The following BTRC variants were observed in gnomAD, a reference collection of about 807,000 sequenced individuals.
The protein encoded by BTRC is beta-transducin repeat containing E3 ubiquitin protein ligase, also known as F-box/WD repeat-containing protein 1A.
BTRC carries 42 observed loss-of-function variants against 85.5 expected under a neutral mutation model. The observed-to-expected ratio is 0.49, with a 90% CI of 0.38 to 0.64. The LOEUF (loss-of-function observed/expected upper bound fraction) is 0.64, where lower values mean the gene tolerates loss of function less well. Ranked by LOEUF, BTRC falls within the 30% of genes least tolerant of loss-of-function variation. The pLI is 0.00. For synonymous variants in BTRC, 255 were observed against 263.3 expected, an observed-to-expected ratio of 0.97 and a Z score of 0.30; for missense variants, 594 against 743.5, an observed-to-expected ratio of 0.80 and a Z score of 2.34.
rs563323683 is a variant in BTRC, at chr10:101,354,361, G to A, written c.48+133G>A. The A allele has an allele frequency of 5.2e-5, 52 of 1,008,688 alleles. No homozygotes were observed. The African/African-American group carries it at 6.4e-4, about 12-fold the overall frequency. 62.5% of individuals were successfully genotyped at this position (1,008,688 alleles called of 1,614,324 possible). The stretch of plus-strand genomic sequence containing the variant: ...AGGCTGGCGGCGGAGCGGCTGGAGG[G>A]ATGGGATGGGAGCTCCAGAAAGGAG... On this transcript the variant is annotated intron_variant, in intron 1 of 14. Transcript: ENST00000370187.
intron 4 of BTRC, among the ~76,000 whole-genome samples, chr10:101,499,460 C>T (rs1346956564): frequency 1.3e-5 from 2 of 151,946 alleles, no homozygotes; most frequent in Non-Finnish European, 2.9e-5. Flanking sequence ...CTCCTGGCCT[C>T]AAAGTGATCT....
At chr10:101,431,456 A>G (rs1398352013) in intron 2 of BTRC, among the ~76,000 whole-genome samples, 1 of 152,152 alleles carries the variant, frequency 6.6e-6, no homozygotes, top group Non-Finnish European at 1.5e-5. Context: ...GGAAAATTGT[A>G]GACAAAAACG....
chr10:101,481,973 T>TG (rs1486883685), intron 4 of BTRC, among the ~76,000 whole-genome samples: 1 of 152,208 alleles, frequency 6.6e-6, no homozygotes, highest in Non-Finnish European at 1.5e-5. Flanking sequence ...TTTTCTTTCT[T>TG]GCAACAGTCT....
intron 1 of BTRC, among the ~76,000 whole-genome samples, chr10:101,398,678 A>G (rs754779091): frequency 6.6e-6 from 1 of 152,174 alleles, no homozygotes; most frequent in East Asian, 1.9e-4. Context: ...GTACACTAAT[A>G]CCATCATCCT....
chr10:101,359,127 G>A (rs1202163828), intron 1 of BTRC, among the ~76,000 whole-genome samples: 1 of 152,154 alleles, frequency 6.6e-6, no homozygotes, highest in Non-Finnish European at 1.5e-5. Flanking sequence ...ATAATACTGG[G>A]TGAATTAATG....
intron 4 of BTRC, among the ~76,000 whole-genome samples, chr10:101,501,063 G>T (rs911722271): frequency 2.6e-5 from 4 of 152,048 alleles, no homozygotes; most frequent in African/African-American, 9.7e-5. Flanking sequence ...AGGCATGGTG[G>T]CACACGCCTG....
rs570317588 is a variant in BTRC, at chr10:101,517,944, G to A, written c.325-3695G>A. ...TTTTTTTTTTTTGAGACGGAGTCTC[G>A]CTCTGTCGCCCAGGCTGGAGTGCAG... On this transcript the variant is annotated intron_variant, in intron 4 of 14. Coordinates refer to ENST00000370187, the MANE Select transcript of BTRC (RefSeq NM_033637.4). Among the ~76,000 whole-genome samples, 6 of 129,574 alleles carry A rather than the reference G, an allele frequency of 4.6e-5. No homozygotes were observed. In the East Asian group the frequency reaches 9.3e-4, roughly 20 times the overall value. The allele number at this position is 129,574 out of a possible 152,430, so 85.0% of individuals were successfully genotyped here.
chr10:101,506,726 G>C (rs1946551786), intron 4 of BTRC, among the ~76,000 whole-genome samples: 1 of 152,194 alleles, frequency 6.6e-6, no homozygotes, highest in Non-Finnish European at 1.5e-5. Flanking sequence ...GGTATGCAAG[G>C]TGGATGGCAA....
intron 2 of BTRC, among the ~76,000 whole-genome samples, chr10:101,452,516 C>T (rs966644022): frequency 2.6e-5 from 4 of 152,194 alleles, no homozygotes; most frequent in African/African-American, 9.7e-5. Flanking sequence ...TACACAATCC[C>T]TCTGCATTTT....
At chr10:101,550,973 T>G (rs983792209) in intron 14 of BTRC, 82 bp downstream of exon 14, 21 of 1,320,246 alleles carry the variant, frequency 1.6e-5, no homozygotes, top group Non-Finnish European at 2.1e-5. Flanking sequence ...CATGGAACTT[T>G]CTCCTGCCGT....
At chr10:101,389,111 TTGTG>T (rs200533824) in intron 1 of BTRC, among the ~76,000 whole-genome samples, 2,089 of 91,554 alleles carry the variant, frequency 0.023, 381 homozygotes, top group Non-Finnish European at 0.03. Context: ...TTGTGATTTT[TTGTG>T]TGTGTTTTTT....
intron 1 of BTRC, among the ~76,000 whole-genome samples, chr10:101,416,104 C>T (rs1342395568): frequency 6.6e-6 from 1 of 152,160 alleles, no homozygotes; most frequent in Non-Finnish European, 1.5e-5. Context: ...TGTCACATGA[C>T]TGTATTTGTC....
intron 2 of BTRC, among the ~76,000 whole-genome samples, chr10:101,457,727 T>C (rs1415383177): frequency 2.0e-5 from 3 of 152,226 alleles, no homozygotes; most frequent in Non-Finnish European, 4.4e-5. Flanking sequence ...CAGTAGAATA[T>C]AACGTTAATT....
intron 2 of BTRC, among the ~76,000 whole-genome samples, chr10:101,434,273 AGTT>A (rs1474946303): frequency 6.6e-6 from 1 of 152,232 alleles, no homozygotes; most frequent in Non-Finnish European, 1.5e-5. Context: ...CTTGAAGATT[AGTT>A]GCAGTATGGT....
chr10:101,438,641 A>C (rs549941111), intron 2 of BTRC, among the ~76,000 whole-genome samples: 1 of 152,154 alleles, frequency 6.6e-6, no homozygotes, highest in South Asian at 2.1e-4. Context: ...TGTAGTTTCT[A>C]CCCTTTATAT....
intron 4 of BTRC, among the ~76,000 whole-genome samples, chr10:101,506,210 T>C (rs188435594): frequency 6.6e-6 from 1 of 152,200 alleles, no homozygotes; most frequent in African/African-American, 2.4e-5. Flanking sequence ...ACCTGTAGTT[T>C]TCGCGCCTGG....
At chr10:101,532,900 C>T in intron 8 of BTRC, 52 bp from the exon 9 acceptor site, 1 of 1,404,984 alleles carries the variant, frequency 7.1e-7, no homozygotes, top group South Asian at 1.2e-5. Flanking sequence ...CAACAAGTCT[C>T]CACAGCACCC....
Position 101,557,299 on chromosome 10 carries a change from T to C in BTRC, c.*4176T>C, listed in dbSNP as rs1440157450. The C allele has an allele frequency of 1.3e-5, 2 of 152,198 alleles. No homozygotes were observed. Among genetic ancestry groups the C allele is most frequent in the South Asian group, 2.1e-4 (1 of 4,838 alleles). The allele number at this position is 152,198 out of a possible 1,614,324, so 9.4% of individuals were successfully genotyped here. A position where few individuals can be genotyped will look rare whatever the true frequency, so the allele number is the denominator to read the frequency against. Reference sequence around the variant, plus strand: ...TCAGAAAAAAAGTAAATTACAAATATAAGATTAAAGTGAATTTTCTAAGCG... The same window carrying C: ...TCAGAAAAAAAGTAAATTACAAATACAAGATTAAAGTGAATTTTCTAAGCG... On this transcript the variant is annotated 3_prime_UTR_variant, in exon 15 of 15. Transcript: ENST00000370187.
At chr10:101,400,108 G>GTTATTTTT (rs1438038602) in intron 1 of BTRC, among the ~76,000 whole-genome samples, 1 of 152,068 alleles carries the variant, frequency 6.6e-6, no homozygotes, top group Non-Finnish European at 1.5e-5. Flanking sequence ...GTTCATTTTT[G>GTTATTTTT]TTACTTACCA....
Sources: gnomAD v4.1 joint callset for allele counts (sites outside exome capture counted in the v4.1 genomes callset) on GRCh38, gnomAD v4.1.1 for gene constraint, MANE v1.5 for transcripts, NCBI Gene and HGNC (gene_info 2026-07-23, HGNC 2026-07-21) for gene names.